LRP1: variants seen among roughly 807,000 people sequenced by gnomAD.
The protein encoded by LRP1 is prolow-density lipoprotein receptor-related protein 1.
In LRP1, 51 loss-of-function variants were observed where a neutral mutation model predicts 541.5. The ratio of observed to expected loss-of-function variants is 0.09; its 90% confidence interval spans 0.08 to 0.12. LRP1 has a LOEUF of 0.12. Ranked by LOEUF, LRP1 falls within the 10% of genes least tolerant of loss-of-function variation. The probability of loss-of-function intolerance (pLI) is 1.00; values close to 1 mark genes in which losing one functional copy is unlikely to be tolerated. For missense variants in LRP1, 3,878 were observed against 6,376.2 expected (o/e 0.61, Z 13.34); for synonymous variants, 2,219 against 2,470.8 (o/e 0.90, Z 3.02).
intron 43 of LRP1, 103 bp from the exon 44 acceptor site, chr12:57,191,217 C>A (rs1199601480): frequency 8.1e-7 from 1 of 1,242,074 alleles, no homozygotes; most frequent in Non-Finnish European, 1.1e-6. Context: ...CCTCTGCGGG[C>A]CCTCATTCTG....
At position 57,196,017 on chromosome 12, in the gene LRP1, C is replaced by T; in HGVS notation, c.8701+14C>T. ...GCACCAGCCAAGGTGGGCCCCAGAC[C>T]TGGCTCCCCTCTGCCCCCTCCCCAG... On this transcript the variant is annotated intron_variant, in intron 54 of 88. Coordinates refer to ENST00000243077, the MANE Select transcript of LRP1 (RefSeq NM_002332.3). The T allele has an allele frequency of 1.2e-6, 2 of 1,612,336 alleles. No homozygotes were observed. The highest frequency in any genetic ancestry group is 1.1e-5 in the South Asian group (1 of 91,076).
chr12:57,199,535 C>T (rs1217969098), intron 61 of LRP1, 135 bp downstream of exon 61: 1 of 991,238 alleles, frequency 1.0e-6, no homozygotes, highest in South Asian at 1.7e-5. Context: ...AGGGTCTAGA[C>T]AGGGGATGGT....
rs777549823 is a variant in LRP1 at position 57,212,503 on chromosome 12, G to A, written c.13583G>A (p.Arg4528Gln). The A allele has an allele frequency of 8.1e-6, 13 of 1,613,790 alleles. No homozygotes were observed. Among genetic ancestry groups the A allele is most frequent in the East Asian group, 6.7e-5 (3 of 44,870 alleles). ...RHSLASTDEK[R>Q]ELLGRGPEDE... ...TCCCTGGCCAGCACGGACGAGAAGC[G>A]AGAACTCCTGGGCCGGGGCCCTGAG... Residue 4528 changes from arginine (R) to glutamine (Q), a missense_variant, in exon 89 of 89, where the codon CGA becomes CAA. Arg to Gln is a conservative substitution (Grantham distance 43, BLOSUM62 1). Coordinates refer to ENST00000243077, the MANE Select transcript of LRP1 (RefSeq NM_002332.3). This position sits in a 1 kb window ranked among gnomAD's most constrained non-coding sequence, Gnocchi z 5.0.
chr12:57,208,539 C>T (rs1207286702), intron 77 of LRP1, 172 bp from the exon 78 acceptor site: 1 of 592,508 alleles, frequency 1.7e-6, no homozygotes, highest in Non-Finnish European at 3.0e-6. Context: ...AGAGGAAAAG[C>T]CCCTCAACCT....
chr12:57,212,675 G>T lies in LRP1; in HGVS notation c.*120G>T. On this transcript the variant is annotated 3_prime_UTR_variant, in exon 89 of 89. Coordinates refer to ENST00000243077, the MANE Select transcript of LRP1 (RefSeq NM_002332.3). The surrounding 1 kb of genome is among the most constrained non-coding windows in gnomAD (Gnocchi z 5.0). ...CCGCCGGATGTATAAATGTAAAAAT[G>T]AAGGAATTACATTTTATATGTGAGC... The T allele has an allele frequency of 9.1e-7, 1 of 1,098,078 alleles. No individual in the cohort carries two copies. Among genetic ancestry groups the T allele is most frequent in the South Asian group, 1.6e-5 (1 of 62,132 alleles). 68.0% of individuals were successfully genotyped at this position (1,098,078 alleles called of 1,614,324 possible). A position where few individuals can be genotyped will look rare whatever the true frequency, so the allele number is the denominator to read the frequency against.
intron 17 of LRP1, among the ~76,000 whole-genome samples, 181 bp from the exon 18 acceptor site, chr12:57,166,749 A>G (rs1392763111): frequency 6.6e-6 from 1 of 152,122 alleles, no homozygotes; most frequent in Non-Finnish European, 1.5e-5. Context: ...GATACCAGAG[A>G]CCCCTTGAGA....
chr12:57,129,469 G>A (rs1341285376), intron 1 of LRP1, among the ~76,000 whole-genome samples: 3 of 152,116 alleles, frequency 2.0e-5, no homozygotes, highest in African/African-American at 7.2e-5. Context: ...ACTGGCCTCT[G>A]TAGCTCGAAA....
At position 57,184,619 on chromosome 12, in the gene LRP1, G is replaced by C. The variant is rs1234817918; in HGVS notation, c.6186+167G>C. ...GACTCCTGCTACCACAGAGATGATG[G>C]GCAGGGGTCGCTCAGAAGTGGGGAG... On this transcript the variant is annotated intron_variant, in intron 38 of 88. Coordinates refer to ENST00000243077, the MANE Select transcript of LRP1 (RefSeq NM_002332.3). This position sits in a 1 kb window ranked among gnomAD's most constrained non-coding sequence, Gnocchi z 7.8. Among the ~76,000 whole-genome samples the C allele has an allele frequency of 1.3e-5, 2 of 152,208 alleles. No homozygotes were observed. The highest frequency in any genetic ancestry group is 2.9e-5 in the Non-Finnish European group (2 of 68,028).
chr12:57,140,701 G>C (rs1235420620), intron 2 of LRP1, among the ~76,000 whole-genome samples: 1 of 152,118 alleles, frequency 6.6e-6, no homozygotes, highest in Non-Finnish European at 1.5e-5. Context: ...CTCTGCCATG[G>C]ACCCTGCTTC....
In LRP1 at chr12:57,173,371, G is replaced by T; in HGVS notation, c.3346+21G>T. On this transcript the variant is annotated intron_variant, in intron 21 of 88. Coordinates refer to ENST00000243077, the MANE Select transcript of LRP1 (RefSeq NM_002332.3). The surrounding 1 kb of genome is among the most constrained non-coding windows in gnomAD (Gnocchi z 4.7). Reference sequence around the variant, plus strand: ...CTCAGGTGAAGAGGATGGTTGGAGGGCGTCTGGAACAGCACAATGTGGGCA... The same window carrying T: ...CTCAGGTGAAGAGGATGGTTGGAGGTCGTCTGGAACAGCACAATGTGGGCA... 1 of 1,608,880 alleles carries T rather than the reference G, an allele frequency of 6.2e-7. No individual in the cohort carries two copies. Among genetic ancestry groups the T allele is most frequent in the Non-Finnish European group, 8.5e-7 (1 of 1,176,582 alleles).
chr12:57,198,797 C>A, intron 60 of LRP1, 127 bp downstream of exon 60: 1 of 945,710 alleles, frequency 1.1e-6, no homozygotes, highest in Non-Finnish European at 1.6e-6. Context: ...CTGAGGACAC[C>A]ACTCACTGGG....
At chr12:57,188,112 C>T (rs770403577) in intron 42 of LRP1, among the ~76,000 whole-genome samples, 6 of 152,146 alleles carry the variant, frequency 3.9e-5, no homozygotes, top group East Asian at 1.9e-4. Context: ...GGTCAGGGTG[C>T]GGAGGAGTTA....
rs2036517982 is a variant in LRP1 at position 57,195,751 on chromosome 12, C to T, written c.8531C>T (p.Ala2844Val). 1.2e-6 allele frequency: 2 copies of T among 1,614,086 alleles called. No homozygotes were observed. The highest frequency in any genetic ancestry group is 1.3e-5 in the African/African-American group (1 of 74,938). ...GTGTGTGACCACGACCGTGACTGTG[C>T]AGATGGCTCTGATGAGTCCCCCGAG... ...HFVCDHDRDC[A>V]DGSDESPECE... The change falls in exon 53 of 89, where the codon GCA (alanine) becomes GTA (valine). Residue 2844 changes from alanine to valine, a missense_variant. By Grantham distance (64) the Ala-to-Val change is moderately conservative (BLOSUM62 0). This residue lies in a region of LRP1 where 1,100 missense variants were observed against 1,827.4 expected (regional missense o/e 0.60). Transcript: ENST00000243077.
In LRP1 at chr12:57,185,038, C is replaced by T. The variant is rs1451457470; in HGVS notation, c.6339-43C>T. 1 of 1,613,962 alleles carries T rather than the reference C, an allele frequency of 6.2e-7. No homozygotes were observed. On this transcript the variant is annotated intron_variant, in intron 39 of 88. Coordinates refer to ENST00000243077, the MANE Select transcript of LRP1 (RefSeq NM_002332.3). This position sits in a 1 kb window ranked among gnomAD's most constrained non-coding sequence, Gnocchi z 4.9. ...CCTCAGCTGATCTCTTCCTTCCCTC[C>T]TGCCTCCACTGATGCCCTGCTTGTG...
rs1182165385 is a variant in LRP1 at position 57,193,957 on chromosome 12, C to T, written c.7863C>T (p.Ser2621=). The stretch of plus-strand genomic sequence containing the variant: ...GGGACGGGACCTGCATCGGGAACTC[C>T]AGCCGCTGCAACCAGTTTGTGGATT... ...RCRDGTCIGN[S]SRCNQFVDCE... The change falls in exon 48 of 89, where the codon TCC becomes TCT. Residue 2621 remains serine (S), a synonymous_variant. Coordinates refer to ENST00000243077, the MANE Select transcript of LRP1 (RefSeq NM_002332.3). 2 of 1,614,056 alleles carry T rather than the reference C, an allele frequency of 1.2e-6. No homozygotes were observed. Among genetic ancestry groups the T allele is most frequent in the Non-Finnish European group, 1.7e-6 (2 of 1,180,036 alleles).
chr12:57,202,547 C>T lies in LRP1; in HGVS notation c.10711+10C>T. On this transcript the variant is annotated intron_variant, in intron 68 of 88. Coordinates refer to ENST00000243077, the MANE Select transcript of LRP1 (RefSeq NM_002332.3). ...GATGAAGAGAGCTGCAGTACGTCCC[C>T]ACCCACCCAGCCCCGCATGAGCCCC... 8.5e-7 allele frequency: 1 copy of T among 1,181,114 alleles called. No homozygotes were observed. Among genetic ancestry groups the T allele is most frequent in the Non-Finnish European group, 1.2e-6 (1 of 865,586 alleles). The allele number at this position is 1,181,114 out of a possible 1,614,324, so 73.2% of individuals were successfully genotyped here. A position where few individuals can be genotyped will look rare whatever the true frequency, so the allele number is the denominator to read the frequency against.
Position 57,204,341 on chromosome 12 carries a change from C to A in LRP1, c.10952-69C>A. 1 of 1,455,508 alleles carries A rather than the reference C, an allele frequency of 6.9e-7. No individual in the cohort carries two copies. Among genetic ancestry groups the A allele is most frequent in the South Asian group, 1.7e-5 (1 of 59,964 alleles). The allele number at this position is 1,455,508 out of a possible 1,614,324, so 90.2% of individuals were successfully genotyped here. A position where few individuals can be genotyped will look rare whatever the true frequency, so the allele number is the denominator to read the frequency against. ...GGTGACCCCTCTGAGCCTGGAACCCCCACCTGTGGAGACAGGGGTCTGGGT... is the reference window on the plus strand; with the variant it reads ...GGTGACCCCTCTGAGCCTGGAACCCACACCTGTGGAGACAGGGGTCTGGGT... On this transcript the variant is annotated intron_variant, in intron 70 of 88. Transcript: ENST00000243077. This position sits in a 1 kb window ranked among gnomAD's most constrained non-coding sequence, Gnocchi z 5.3.
At position 57,191,019 on chromosome 12, in the gene LRP1, C is replaced by A. The variant is rs201579466; in HGVS notation, c.7236+10C>A. On this transcript the variant is annotated intron_variant, in intron 43 of 88. Transcript: ENST00000243077. ...CGGCTCCCACCGCTATGTGAGTCTGCGGGGTGGGTGAGCTGGCGGGCGGCT... is the reference window on the plus strand; with the variant it reads ...CGGCTCCCACCGCTATGTGAGTCTGAGGGGTGGGTGAGCTGGCGGGCGGCT... The A allele has an allele frequency of 1.2e-6, 2 of 1,606,714 alleles. No individual in the cohort carries two copies. The highest frequency in any genetic ancestry group is 1.7e-6 in the Non-Finnish European group (2 of 1,178,388).
intron 19 of LRP1, among the ~76,000 whole-genome samples, chr12:57,167,956 G>A (rs1428852242): frequency 1.3e-5 from 2 of 152,252 alleles, no homozygotes; most frequent in Non-Finnish European, 2.9e-5. Flanking sequence ...ACCAGGTGAT[G>A]TCAGCCTTGA....
Sources: gnomAD v4.1 joint callset for allele counts (sites outside exome capture counted in the v4.1 genomes callset) on GRCh38, gnomAD v4.1.1 for gene constraint, gnomAD v4.1.1 regional missense constraint, Gnocchi (gnomAD v3.1) non-coding constraint, MANE v1.5 for transcripts, NCBI Gene and HGNC (gene_info 2026-07-23, HGNC 2026-07-21) for gene names.